ANKRD24: variants seen among roughly 807,000 people sequenced by gnomAD.
ANKRD24 encodes ankyrin repeat domain 24.
ANKRD24 carries 109 observed loss-of-function variants against 127.8 expected under a neutral mutation model. The observed-to-expected ratio is 0.85, with a 90% confidence interval of 0.73 to 1.00. ANKRD24 has a LOEUF of 1.00. ANKRD24 is among the 50% of genes least tolerant of loss of function. The pLI, the probability that ANKRD24 is intolerant of heterozygous loss-of-function variation, is 0.00. For missense variants in ANKRD24, 1,648 were observed against 1,570.2 expected (o/e 1.05, Z -0.84); for synonymous variants, 743 against 671.1 (o/e 1.11, Z -1.66).
rs779858519 is a variant in ANKRD24 at position 4,207,883 on chromosome 19, C to T, written c.747C>T (p.Asp249=). Residue 249 remains aspartate, a synonymous_variant, in exon 10 of 22, where the codon GAC becomes GAT. Transcript: ENST00000318934. ...QPGITDALGQ[D]AAHYGALAGD... ...GCATCACCGATGCGCTGGGGCAGGACGCGGCTCACTATGGCGCCCTGGCGG... is the reference window on the plus strand; with the variant it reads ...GCATCACCGATGCGCTGGGGCAGGATGCGGCTCACTATGGCGCCCTGGCGG... 1.3e-5 allele frequency: 20 copies of T among 1,558,830 alleles called. No individual in the cohort carries two copies. Among genetic ancestry groups the T allele is most frequent in the African/African-American group, 5.5e-5 (4 of 72,824 alleles).
chr19:4,205,469 T>A lies in ANKRD24; in HGVS notation c.467-1773T>A, dbSNP rs566087044. 2.6e-5 allele frequency among the ~76,000 whole-genome samples: 4 copies of A among 152,322 alleles called. No individual in the cohort carries two copies. The South Asian group carries it at 8.3e-4, about 32-fold the overall frequency. ...CCCAGGGATTCCAGAGACCATGCCCTTGTGTCAGCTGCACAGCCTCCTGGG... is the reference window on the plus strand; with the variant it reads ...CCCAGGGATTCCAGAGACCATGCCCATGTGTCAGCTGCACAGCCTCCTGGG... On this transcript the variant is annotated intron_variant, in intron 7 of 21. Transcript: ENST00000318934.
At chr19:4,188,147 G>A (rs1036872338) in intron 2 of ANKRD24, among the ~76,000 whole-genome samples, 1 of 148,850 alleles carries the variant, frequency 6.7e-6, no homozygotes, top group Non-Finnish European at 1.5e-5. Flanking sequence ...GCTTGATCTC[G>A]GCTCACTGCA....
At position 4,200,072 on chromosome 19, in the gene ANKRD24, C is replaced by G. The variant is rs900322134; in HGVS notation, c.255-11C>G. 10 of 1,577,494 alleles carry G rather than the reference C, an allele frequency of 6.3e-6. No individual in the cohort carries two copies. The South Asian group carries it at 8.1e-5, about 13-fold the overall frequency. ...CAACCTTGCGGCTGAACCCTTGTCTCTCACCTCCAGGTTCCACCTGGCGGC... is the reference window on the plus strand; with the variant it reads ...CAACCTTGCGGCTGAACCCTTGTCTGTCACCTCCAGGTTCCACCTGGCGGC... On this transcript the variant is annotated splice_polypyrimidine_tract_variant and intron_variant, in intron 4 of 21. Transcript: ENST00000318934.
At chr19:4,208,228 G>T (rs116238606) in intron 10 of ANKRD24, among the ~76,000 whole-genome samples, 6,495 of 152,064 alleles carry the variant, frequency 0.043, 374 homozygotes, top group African/African-American at 0.13. Context: ...CCCCTGCTGG[G>T]CAAGGTGGCT....
At chr19:4,224,391 G>A (rs760961849) in intron 21 of ANKRD24, 37 bp from the exon 22 acceptor site, 1 of 1,600,736 alleles carries the variant, frequency 6.2e-7, no homozygotes, top group Non-Finnish European at 8.5e-7. Flanking sequence ...GCCATGGAGG[G>A]TATACTCAGG....
chr19:4,224,580 C>T lies in ANKRD24; in HGVS notation c.*75C>T, dbSNP rs905492458. The T allele has an allele frequency of 3.1e-5, 43 of 1,409,674 alleles. No homozygotes were observed. The highest frequency in any genetic ancestry group is 3.7e-5 in the Non-Finnish European group (38 of 1,021,528). The allele number at this position is 1,409,674 out of a possible 1,614,324, so 87.3% of individuals were successfully genotyped here. A position where few individuals can be genotyped will look rare whatever the true frequency, so the allele number is the denominator to read the frequency against. On this transcript the variant is annotated 3_prime_UTR_variant, in exon 22 of 22. Transcript: ENST00000318934. ...ACCCCCCTGCAGGCCCCTTGCAGAC[C>T]GGCTTCACTTGGCTTCACTTGGCCC... is the stretch of plus-strand genomic sequence containing the variant.
chr19:4,200,251 C>T (rs1969025712), intron 5 of ANKRD24, 80 bp downstream of exon 5: 3 of 1,417,310 alleles, frequency 2.1e-6, no homozygotes, highest in East Asian at 2.5e-5. Flanking sequence ...GACCCTGCTC[C>T]CAGGTCTCAA....
chr19:4,198,660 G>T lies in ANKRD24; in HGVS notation c.37-1023G>T. 2.5e-6 allele frequency: 1 copy of T among 402,428 alleles called. No homozygotes were observed. Among genetic ancestry groups the T allele is most frequent in the Non-Finnish European group, 4.4e-6 (1 of 227,588 alleles). 24.9% of individuals were successfully genotyped at this position (402,428 alleles called of 1,614,324 possible). ...CCCGGGAAAGATGGTCGGCGGCGGG[G>T]GGTGGGGGGGAACAGAGGTTGGGGC... is the stretch of plus-strand genomic sequence containing the variant. On this transcript the variant is annotated intron_variant, in intron 2 of 21. Transcript: ENST00000318934. This position sits in a 1 kb window ranked among gnomAD's most constrained non-coding sequence, Gnocchi z 6.1.
At chr19:4,182,894 G>T (rs1396407297) in intron 1 of ANKRD24, among the ~76,000 whole-genome samples, 154 bp downstream of exon 1, 1 of 152,054 alleles carries the variant, frequency 6.6e-6, no homozygotes, top group Non-Finnish European at 1.5e-5. Context: ...ATTCCGTAAG[G>T]ACAGAGCCGG....
intron 1 of ANKRD24, among the ~76,000 whole-genome samples, chr19:4,184,253 C>A (rs527369296): frequency 6.6e-6 from 1 of 152,158 alleles, no homozygotes; most frequent in South Asian, 2.1e-4. Context: ...AGTGGGTAAC[C>A]GGAGCCGGCA....
At chr19:4,202,512 G>A (rs1174812316) in intron 6 of ANKRD24, among the ~76,000 whole-genome samples, 5 of 152,098 alleles carry the variant, frequency 3.3e-5, no homozygotes, top group African/African-American at 1.2e-4. Flanking sequence ...GGAGGTTGCA[G>A]TGAGCCGAGA....
intron 1 of ANKRD24, 76 bp from the exon 2 acceptor site, chr19:4,186,314 G>T (rs1448270922): frequency 1.4e-5 from 22 of 1,532,228 alleles, no homozygotes; most frequent in Non-Finnish European, 1.9e-5. Context: ...GTCCTTTTGA[G>T]GAGGGCGAGG....
intron 1 of ANKRD24, among the ~76,000 whole-genome samples, 200 bp downstream of exon 1, chr19:4,182,940 A>T (rs866555191): frequency 1.4e-5 from 2 of 148,068 alleles, no homozygotes; most frequent in Middle Eastern, 7.2e-3. Context: ...TTTGAATGCC[A>T]CGCAGAGTTA....
At chr19:4,219,294 A>AT (rs1970314449) in intron 18 of ANKRD24, among the ~76,000 whole-genome samples, 1 of 150,948 alleles carries the variant, frequency 6.6e-6, no homozygotes, top group African/African-American at 2.4e-5. Context: ...TCAAAAAAAA[A>AT]CAAAAACAAA....
chr19:4,201,808 G>T (rs11672646), intron 5 of ANKRD24, among the ~76,000 whole-genome samples: 50,919 of 151,884 alleles, frequency 0.34, 9,652 homozygotes, highest in Non-Finnish European at 0.42. Flanking sequence ...GATCGCTTGA[G>T]CCTAGGTGTT....
intron 9 of ANKRD24, 79 bp from the exon 10 acceptor site, chr19:4,207,702 C>G: frequency 6.3e-7 from 1 of 1,591,338 alleles, no homozygotes; most frequent in South Asian, 1.1e-5. Context: ...CTCCTCTTCC[C>G]AGCCTGGCCT....
intron 2 of ANKRD24, among the ~76,000 whole-genome samples, chr19:4,196,381 GTTTA>G (rs944982187): frequency 1.3e-5 from 2 of 151,876 alleles, no homozygotes; most frequent in African/African-American, 4.8e-5. Flanking sequence ...TTTTGTTGTT[GTTTA>G]TTTGTTTTGC....
At chr19:4,207,346 A>G in intron 8 of ANKRD24, 34 bp downstream of exon 8, 1 of 1,607,518 alleles carries the variant, frequency 6.2e-7, no homozygotes, top group Non-Finnish European at 8.5e-7. Context: ...GGAAGATGTT[A>G]TGCTTGAGGT....
intron 2 of ANKRD24, among the ~76,000 whole-genome samples, chr19:4,187,998 A>T (rs1052580790): frequency 4.0e-4 from 61 of 152,126 alleles, no homozygotes; most frequent in Non-Finnish European, 5.9e-4. Context: ...AGTGAGTGGG[A>T]GCTCAGGATC....
Sources: allele counts gnomAD v4.1 joint callset (sites outside exome capture counted in the v4.1 genomes callset), GRCh38; gene constraint gnomAD v4.1.1; non-coding constraint Gnocchi (gnomAD v3.1); transcripts MANE v1.5; gene names NCBI Gene and HGNC (gene_info 2026-07-23, HGNC 2026-07-21).